The following DRC2 variants were observed in gnomAD, a reference collection of about 807,000 sequenced individuals.
DRC2 encodes dynein regulatory complex subunit 2, also known as coiled-coil domain containing 65.
chr12:48,918,721 C>T, the DRC2 span: 58 of 1,613,982 alleles, frequency 3.6e-5, no homozygotes, highest in Non-Finnish European at 4.8e-5. Flanking sequence ...GATCATGATA[C>T]ACAGCCGTGA....
chr12:48,921,101 T>C, the DRC2 span: 1 of 1,610,142 alleles, frequency 6.2e-7, no homozygotes, highest in South Asian at 1.1e-5. Context: ...CGGGGGATGG[T>C]GGGGCATTGG....
chr12:48,907,247 A>G, the DRC2 span, among the ~76,000 whole-genome samples: 2 of 152,170 alleles, frequency 1.3e-5, no homozygotes, highest in Non-Finnish European at 2.9e-5. Flanking sequence ...AAAACACTTG[A>G]TAAGAACAGC....
chr12:48,919,665 G>A, the DRC2 span, among the ~76,000 whole-genome samples: 5 of 151,810 alleles, frequency 3.3e-5, no homozygotes, highest in African/African-American at 7.3e-5. Flanking sequence ...TTACAGGTGC[G>A]CACCACCACA....
chr12:48,915,815 C>G, the DRC2 span, among the ~76,000 whole-genome samples: 1 of 151,338 alleles, frequency 6.6e-6, no homozygotes, highest in African/African-American at 2.4e-5. Context: ...GGGTGGCTGC[C>G]GGGCGGAGAG....
At chr12:48,904,166 C>A in the DRC2 span, 4 of 806,618 alleles carry the variant, frequency 5.0e-6, no homozygotes, top group African/African-American at 1.7e-5. Context: ...CTCAGCCTCA[C>A]TGATAGCCGG....
chr12:48,915,882 A>G, the DRC2 span, among the ~76,000 whole-genome samples: 5 of 142,402 alleles, frequency 3.5e-5, no homozygotes, highest in African/African-American at 1.3e-4. Flanking sequence ...CACTTCTCAG[A>G]CGGGGCGGCT....
At chr12:48,921,516 G>A in the DRC2 span, 5 of 1,372,886 alleles carry the variant, frequency 3.6e-6, no homozygotes, top group Non-Finnish European at 2.0e-6. Flanking sequence ...AACTCCTAGA[G>A]ATTTTTTTTT....
chr12:48,905,993 G>A, the DRC2 span, among the ~76,000 whole-genome samples: 2 of 152,046 alleles, frequency 1.3e-5, no homozygotes, highest in African/African-American at 2.4e-5. Context: ...GGATGGTCTC[G>A]ATCTCCTGAC....
chr12:48,919,070 A>G, the DRC2 span, among the ~76,000 whole-genome samples: 1 of 152,076 alleles, frequency 6.6e-6, no homozygotes, highest in Admixed American at 6.6e-5. Context: ...ATTAAATTAA[A>G]TTAATTTATT....
chr12:48,909,037 C>CTTTTTTTT, the DRC2 span, among the ~76,000 whole-genome samples: 42 of 82,374 alleles, frequency 5.1e-4, no homozygotes, highest in African/African-American at 8.6e-4. Context: ...TTTTCTTTCT[C>CTTTTTTTT]TTTTTTTTTT....
the DRC2 span, among the ~76,000 whole-genome samples, chr12:48,916,013 A>G: frequency 1.3e-5 from 2 of 149,994 alleles, no homozygotes; most frequent in Non-Finnish European, 1.5e-5. Context: ...GCGGCCGGGC[A>G]GAGACGCTCC....
At chr12:48,905,170 G>C in the DRC2 span, 4 of 1,428,754 alleles carry the variant, frequency 2.8e-6, no homozygotes, top group Non-Finnish European at 1.9e-6. Flanking sequence ...TTAATAGAAT[G>C]AGCCTAGTGA....
At chr12:48,909,905 T>C in the DRC2 span, among the ~76,000 whole-genome samples, 2 of 151,526 alleles carry the variant, frequency 1.3e-5, no homozygotes, top group East Asian at 3.9e-4. Flanking sequence ...CTCAGCCTCC[T>C]GCATAGCTGG....
chr12:48,916,986 CA>C, the DRC2 span: 1 of 1,613,814 alleles, frequency 6.2e-7, no homozygotes, highest in Non-Finnish European at 8.5e-7. Flanking sequence ...AATTATTGAC[CA>C]ACATGAGAAA....
At chr12:48,915,546 A>T in the DRC2 span, among the ~76,000 whole-genome samples, 1 of 151,776 alleles carries the variant, frequency 6.6e-6, no homozygotes, top group Admixed American at 6.6e-5. Flanking sequence ...CCGATTTCTC[A>T]ATCTTTTCCC....
the DRC2 span, among the ~76,000 whole-genome samples, chr12:48,904,737 C>G: frequency 6.6e-6 from 1 of 152,186 alleles, no homozygotes; most frequent in Admixed American, 6.5e-5. Flanking sequence ...GTCTGGAATG[C>G]TGATATTCTC....
At chr12:48,913,324 G>A in the DRC2 span, among the ~76,000 whole-genome samples, 1 of 151,384 alleles carries the variant, frequency 6.6e-6, no homozygotes, top group Non-Finnish European at 1.5e-5. Flanking sequence ...TCTTTTTTGA[G>A]ACGGAGTCTC....
chr12:48,917,560 C>T, the DRC2 span, among the ~76,000 whole-genome samples: 2 of 152,090 alleles, frequency 1.3e-5, no homozygotes, highest in East Asian at 1.9e-4. Context: ...ATCTATTGCC[C>T]CCTGTAGGTA....
chr12:48,914,479 C>G, the DRC2 span: 1 of 1,614,200 alleles, frequency 6.2e-7, no homozygotes, highest in African/African-American at 1.3e-5. Context: ...CAATGTTGAC[C>G]AGCTCTTGGC....
Sources: gnomAD v4.1 joint callset for allele counts (sites outside exome capture counted in the v4.1 genomes callset) on GRCh38, gnomAD v4.1.1 for gene constraint, MANE v1.5 for transcripts, NCBI Gene and HGNC (gene_info 2026-07-23, HGNC 2026-07-21) for gene names.